Variants in POLR2B observed in about 807,000 individuals in gnomAD.
POLR2B encodes the protein RNA polymerase II subunit B, also known as DNA-directed RNA polymerase II subunit RPB2.
POLR2B carries 57 observed loss-of-function variants against 144.6 expected under a neutral mutation model. That is an observed-to-expected ratio of 0.39 (90% CI 0.32 to 0.49). The LOEUF (loss-of-function observed/expected upper bound fraction) is 0.49. Ranked by LOEUF, POLR2B falls within the 20% of genes least tolerant of loss-of-function variation. POLR2B has a pLI of 0.83. For missense variants in POLR2B, 595 were observed against 1,467.4 expected, an observed-to-expected ratio of 0.41 and a Z score of 9.71; for synonymous variants, 442 against 469.8, an observed-to-expected ratio of 0.94 and a Z score of 0.77.
intron 5 of POLR2B, 137 bp from the exon 6 acceptor site, chr4:56,995,114 G>A: frequency 1.4e-6 from 1 of 707,816 alleles, no homozygotes; most frequent in Non-Finnish European, 2.3e-6. Context: ...TATGCAAAAT[G>A]GAGTTTGTAA....
intron 2 of POLR2B, among the ~76,000 whole-genome samples, chr4:56,987,925 CA>C (rs1019169327): frequency 2.0e-5 from 3 of 150,186 alleles, no homozygotes; most frequent in Admixed American, 1.3e-4. Flanking sequence ...CAGAATCTTA[CA>C]AAAAAAAGTA....
At chr4:57,015,415 A>C (rs1333171011) in intron 13 of POLR2B, 87 bp from the exon 14 acceptor site, 12 of 657,256 alleles carry the variant, frequency 1.8e-5, no homozygotes, top group Non-Finnish European at 2.5e-5. Context: ...CCAGAAATTT[A>C]GTAGGATTTG....
At chr4:57,029,358 G>T (rs926320830) in intron 23 of POLR2B, among the ~76,000 whole-genome samples, 14 of 152,274 alleles carry the variant, frequency 9.2e-5, no homozygotes, top group African/African-American at 3.4e-4. Flanking sequence ...AGTTCTTATA[G>T]TAAGGGCAGG....
In POLR2B at chr4:56,999,762, A is replaced by G; in HGVS notation, c.881A>G (p.Asp294Gly). ...GAACATATTATTTATGATTTTGAAG[A>G]TCCAGAGATGATGGAAATGGTAATG... ...ILEHIIYDFEDPEMMEMVKPS... is the reference protein window; with the variant it reads ...ILEHIIYDFEGPEMMEMVKPS... Residue 294 changes from aspartate (D) to glycine (G), a missense_variant, in exon 7 of 25, where the codon GAT becomes GGT. Asp to Gly is a moderately conservative substitution (Grantham distance 94, BLOSUM62 -1). Around this residue, in one of 9 missense-constraint regions of POLR2B, gnomAD observed 251 missense variants for 567.3 expected, o/e 0.44. Coordinates refer to ENST00000314595, the MANE Select transcript of POLR2B (RefSeq NM_000938.3). 1.9e-6 allele frequency: 3 copies of G among 1,609,176 alleles called. No individual in the cohort carries two copies. The highest frequency in any genetic ancestry group is 2.5e-6 in the Non-Finnish European group (3 of 1,176,698).
chr4:57,008,347 C>T lies in POLR2B; in HGVS notation c.1404+1345C>T, dbSNP rs565606336. Among the ~76,000 whole-genome samples the T allele has an allele frequency of 8.5e-5, 13 of 152,180 alleles. No individual in the cohort carries two copies. In the South Asian group the frequency reaches 2.3e-3, roughly 27 times the overall value. ...CCTCCCGAGTAGCTGGGACTACAGG[C>T]GCCCGCCACCACGCCTGGCTAATTT... On this transcript the variant is annotated intron_variant, in intron 10 of 24. Transcript: ENST00000314595.
At chr4:57,029,917 G>A (rs977856714) in intron 23 of POLR2B, among the ~76,000 whole-genome samples, 1 of 151,970 alleles carries the variant, frequency 6.6e-6, no homozygotes, top group Non-Finnish European at 1.5e-5. Flanking sequence ...ATGGGGTCTC[G>A]CCATGTTGCC....
intron 1 of POLR2B, 96 bp downstream of exon 1, chr4:56,979,100 C>A (rs1722070364): frequency 1.6e-6 from 2 of 1,275,464 alleles, no homozygotes; most frequent in Non-Finnish European, 2.3e-6. Flanking sequence ...TTCCCATGCG[C>A]CGGCTGCACA....
At chr4:56,996,425 C>T (rs1187297772) in intron 6 of POLR2B, among the ~76,000 whole-genome samples, 9 of 150,420 alleles carry the variant, frequency 6.0e-5, no homozygotes, top group Middle Eastern at 3.4e-3. Context: ...GGACTACAGG[C>T]GCCCGCCACC....
chr4:56,980,041 T>G (rs1722107530), intron 1 of POLR2B, among the ~76,000 whole-genome samples: 1 of 151,746 alleles, frequency 6.6e-6, no homozygotes, highest in African/African-American at 2.4e-5. Context: ...CTCTATTCCC[T>G]CAGGTACTTC....
At chr4:57,011,127 G>A (rs748698107) in intron 13 of POLR2B, 27 bp downstream of exon 13, 38 of 1,418,264 alleles carry the variant, frequency 2.7e-5, no homozygotes, top group Non-Finnish European at 3.8e-5. Context: ...AAGAGGGTGT[G>A]GACTGTGAGA....
chr4:56,983,971 T>C (rs893559091), intron 1 of POLR2B, among the ~76,000 whole-genome samples: 1 of 151,862 alleles, frequency 6.6e-6, no homozygotes, highest in African/African-American at 2.4e-5. Context: ...TTCAAGCGAT[T>C]CTCCTGCCTC....
At chr4:57,016,160 C>A (rs1262008339) in intron 14 of POLR2B, among the ~76,000 whole-genome samples, 2 of 152,066 alleles carry the variant, frequency 1.3e-5, no homozygotes, top group Admixed American at 1.3e-4. Context: ...TTTCATTGCC[C>A]CGAAAAAACT....
intron 1 of POLR2B, among the ~76,000 whole-genome samples, chr4:56,980,572 T>G (rs1364957344): frequency 6.6e-6 from 1 of 152,042 alleles, no homozygotes; most frequent in African/African-American, 2.4e-5. Context: ...ATAGAAAAAT[T>G]AGCTGGGCGT....
At chr4:57,012,374 C>T (rs1723219941) in intron 13 of POLR2B, among the ~76,000 whole-genome samples, 1 of 151,722 alleles carries the variant, frequency 6.6e-6, no homozygotes, top group Admixed American at 6.6e-5. Flanking sequence ...CATTGTACTC[C>T]AGCCTGGGTG....
Position 57,022,348 on chromosome 4 carries a change from C to T in POLR2B, c.2515+102C>T, listed in dbSNP as rs941850213. The T allele has an allele frequency of 5.6e-5, 37 of 662,546 alleles. No homozygotes were observed. In the Admixed American group the frequency reaches 9.2e-4, roughly 16 times the overall value. 41.0% of individuals were successfully genotyped at this position (662,546 alleles called of 1,614,324 possible). A position where few individuals can be genotyped will look rare whatever the true frequency, so the allele number is the denominator to read the frequency against. ...GTGTCACCCTGTGCCTGCCCCTGTC[C>T]TCCTCTCCCTTTTTTTGTGCAATGA... On this transcript the variant is annotated intron_variant, in intron 18 of 24. Transcript: ENST00000314595.
intron 7 of POLR2B, among the ~76,000 whole-genome samples, chr4:57,003,172 C>T (rs975986583): frequency 1.1e-4 from 16 of 152,210 alleles, no homozygotes; most frequent in African/African-American, 2.4e-5. Context: ...TGGCTCACGC[C>T]TGTAATCCCA....
At chr4:56,996,524 TCCG>T in intron 6 of POLR2B, among the ~76,000 whole-genome samples, 1 of 151,604 alleles carries the variant, frequency 6.6e-6, no homozygotes, top group South Asian at 2.1e-4. Flanking sequence ...GACCTCGTGA[TCCG>T]CCCGCCTCGG....
chr4:57,011,272 G>T (rs1257886502), intron 13 of POLR2B, among the ~76,000 whole-genome samples, 172 bp downstream of exon 13: 2 of 152,244 alleles, frequency 1.3e-5, no homozygotes, highest in African/African-American at 4.8e-5. Context: ...GCTCATGCCT[G>T]TAATCCCAGC....
chr4:56,991,561 C>T (rs1353761616), intron 3 of POLR2B, among the ~76,000 whole-genome samples: 1 of 151,822 alleles, frequency 6.6e-6, no homozygotes, highest in African/African-American at 2.4e-5. Flanking sequence ...GTAGGGAAAG[C>T]CCCCAAAATA....
Sources: gnomAD v4.1 joint callset for allele counts (sites outside exome capture counted in the v4.1 genomes callset) on GRCh38, gnomAD v4.1.1 for gene constraint, gnomAD v4.1.1 regional missense constraint, MANE v1.5 for transcripts, NCBI Gene and HGNC (gene_info 2026-07-23, HGNC 2026-07-21) for gene names.